The following UBE3C variants were observed in gnomAD, a reference collection of about 807,000 sequenced individuals.
The protein encoded by UBE3C is ubiquitin-protein ligase E3C.
UBE3C carries 42 observed loss-of-function variants against 129.4 expected under a neutral mutation model. The observed-to-expected ratio is 0.32, with a 90% confidence interval of 0.25 to 0.42. The LOEUF (loss-of-function observed/expected upper bound fraction) is 0.42. Among genes scored for constraint, UBE3C ranks in the 10% least tolerant of loss-of-function variants. UBE3C has a pLI of 1.00. For missense variants in UBE3C, 1,049 were observed against 1,319.1 expected (o/e 0.80, Z 3.17); for synonymous variants, 510 against 492.4 (o/e 1.04, Z -0.47).
intron 14 of UBE3C, among the ~76,000 whole-genome samples, chr7:157,218,664 AAAG>A (rs1308091905): frequency 6.6e-6 from 1 of 152,166 alleles, no homozygotes; most frequent in East Asian, 1.9e-4. Flanking sequence ...CTTCACAGCA[AAAG>A]AAGCAGTCCT....
chr7:157,265,965 T>C (rs1304646650), intron 22 of UBE3C, among the ~76,000 whole-genome samples: 1 of 152,226 alleles, frequency 6.6e-6, no homozygotes, highest in Non-Finnish European at 1.5e-5. Flanking sequence ...CTTTTCATCA[T>C]GCATTTGGTC....
intron 3 of UBE3C, among the ~76,000 whole-genome samples, chr7:157,169,785 A>G (rs2116882445): frequency 6.6e-6 from 1 of 152,290 alleles, no homozygotes; most frequent in East Asian, 1.9e-4. Flanking sequence ...GGTTCAAGCT[A>G]TTCTCCTGCC....
intron 2 of UBE3C, among the ~76,000 whole-genome samples, chr7:157,167,652 C>T (rs1020093450): frequency 3.3e-5 from 5 of 152,008 alleles, no homozygotes; most frequent in African/African-American, 9.7e-5. Flanking sequence ...ATTCTCCTGC[C>T]TCTGCCTCCT....
intron 4 of UBE3C, among the ~76,000 whole-genome samples, chr7:157,172,515 T>A (rs542246268): frequency 9.2e-5 from 14 of 152,272 alleles, no homozygotes; most frequent in African/African-American, 3.4e-4. Context: ...TCCTCTAGTG[T>A]TTGGCTTTAA....
At chr7:157,224,494 A>G (rs902979692) in intron 16 of UBE3C, among the ~76,000 whole-genome samples, 1 of 152,152 alleles carries the variant, frequency 6.6e-6, no homozygotes, top group Non-Finnish European at 1.5e-5. Context: ...GCGCCCAGCC[A>G]CTTTACTTTT....
intron 9 of UBE3C, among the ~76,000 whole-genome samples, chr7:157,186,024 C>T (rs1808795845): frequency 2.6e-5 from 4 of 151,804 alleles, no homozygotes; most frequent in African/African-American, 4.8e-5. Context: ...TGGTTACTGC[C>T]CCAAATGAGT....
intron 2 of UBE3C, among the ~76,000 whole-genome samples, chr7:157,168,257 A>C (rs1200861156): frequency 6.6e-6 from 1 of 151,038 alleles, no homozygotes; most frequent in Non-Finnish European, 1.5e-5. Flanking sequence ...AGGCTGAGGC[A>C]GGAGAATGGT....
At chr7:157,247,961 G>A (rs1326499933) in intron 18 of UBE3C, among the ~76,000 whole-genome samples, 1 of 152,160 alleles carries the variant, frequency 6.6e-6, no homozygotes, top group Non-Finnish European at 1.5e-5. Flanking sequence ...GCTGCGAGGC[G>A]TGAGTTCATG....
chr7:157,178,319 G>A (rs1808578674), intron 5 of UBE3C, among the ~76,000 whole-genome samples: 1 of 152,214 alleles, frequency 6.6e-6, no homozygotes, highest in Non-Finnish European at 1.5e-5. Flanking sequence ...GAGATGAGAT[G>A]CACTGTTAAA....
At chr7:157,188,868 G>A (rs1174995795) in intron 10 of UBE3C, 2 of 493,388 alleles carry the variant, frequency 4.1e-6, no homozygotes, top group South Asian at 3.6e-5. Context: ...TCATTCACAG[G>A]CCCTCACTGA....
chr7:157,192,684 G>T (rs1331144574), intron 10 of UBE3C: 27 of 775,520 alleles, frequency 3.5e-5, no homozygotes, highest in Non-Finnish European at 5.6e-5. Context: ...GTATTAGAAG[G>T]TGGATGAGAA....
chr7:157,208,961 A>G (rs1433462586), intron 13 of UBE3C, among the ~76,000 whole-genome samples: 1 of 152,330 alleles, frequency 6.6e-6, no homozygotes, highest in African/African-American at 2.4e-5. Context: ...CTCGCACACT[A>G]ATGTTCAGTT....
chr7:157,194,667 C>T (rs958360418), intron 10 of UBE3C, among the ~76,000 whole-genome samples: 2 of 152,044 alleles, frequency 1.3e-5, no homozygotes, highest in African/African-American at 4.8e-5. Flanking sequence ...GAGAATACCT[C>T]GATTGCGGTA....
intron 17 of UBE3C, among the ~76,000 whole-genome samples, chr7:157,226,467 G>C (rs1390873584): frequency 6.6e-6 from 1 of 152,138 alleles, no homozygotes; most frequent in Non-Finnish European, 1.5e-5. Flanking sequence ...ATGCCGAGGG[G>C]ATTAAAATGA....
intron 22 of UBE3C, among the ~76,000 whole-genome samples, chr7:157,264,074 T>TACAC (rs1351022385): frequency 6.2e-5 from 9 of 145,156 alleles, no homozygotes; most frequent in Middle Eastern, 3.9e-3. Flanking sequence ...CTCGGCCTGT[T>TACAC]ACACACACAC....
intron 11 of UBE3C, among the ~76,000 whole-genome samples, chr7:157,204,588 GA>G (rs1469784443): frequency 6.6e-6 from 1 of 151,928 alleles, no homozygotes; most frequent in Non-Finnish European, 1.5e-5. Context: ...GATGGATAGT[GA>G]ATTTTGACAC....
chr7:157,217,043 A>C, intron 14 of UBE3C, 72 bp downstream of exon 14: 1 of 1,200,178 alleles, frequency 8.3e-7, no homozygotes, highest in Non-Finnish European at 1.2e-6. Flanking sequence ...TGGAGAGAAG[A>C]ATTAAGCACT....
chr7:157,163,888 G>A (rs758208715), intron 2 of UBE3C, 25 bp downstream of exon 2: 1 of 1,607,984 alleles, frequency 6.2e-7, no homozygotes, highest in South Asian at 1.1e-5. Context: ...GTAATACTCT[G>A]TAGATAAGCA....
At chr7:157,174,511 A>T (rs529459497) in intron 4 of UBE3C, among the ~76,000 whole-genome samples, 1 of 152,162 alleles carries the variant, frequency 6.6e-6, no homozygotes, top group Admixed American at 6.5e-5. Context: ...CAGTGGCTTG[A>T]TGTTGGCTCA....
Sources: gnomAD v4.1 joint callset for allele counts (sites outside exome capture counted in the v4.1 genomes callset) on GRCh38, gnomAD v4.1.1 for gene constraint, MANE v1.5 for transcripts, NCBI Gene and HGNC (gene_info 2026-07-23, HGNC 2026-07-21) for gene names.